Variants in SGCZ observed in about 807,000 individuals in gnomAD.
The protein encoded by SGCZ is zeta-sarcoglycan.
Under a neutral mutation model 41.3 loss-of-function variants are expected in SGCZ, and 40 were observed. That is an observed-to-expected ratio of 0.97 (90% CI 0.75 to 1.26). The LOEUF (loss-of-function observed/expected upper bound fraction) is 1.26, where lower values mean the gene tolerates loss of function less well. Ranked by LOEUF, SGCZ falls within the 50% of genes most tolerant of loss-of-function variation. The probability of loss-of-function intolerance (pLI) is 0.00; values close to 1 mark genes in which losing one functional copy is unlikely to be tolerated. For synonymous variants in SGCZ, 206 were observed against 137.5 expected, an observed-to-expected ratio of 1.50 and a Z score of -3.49; for missense variants, 552 against 369.8, an observed-to-expected ratio of 1.49 and a Z score of -4.04.
intron 1 of SGCZ, among the ~76,000 whole-genome samples, chr8:14,671,603 A>T (rs532034242): frequency 6.6e-6 from 1 of 152,312 alleles, no homozygotes; most frequent in South Asian, 2.1e-4. Context: ...GGCAAGAATT[A>T]GAAAGAATAT....
chr8:15,182,477 A>C (rs1256941528), intron 1 of SGCZ, among the ~76,000 whole-genome samples: 2 of 152,210 alleles, frequency 1.3e-5, no homozygotes, highest in African/African-American at 4.8e-5. Context: ...CATGTTTAGC[A>C]TGTTACTACA....
chr8:14,777,518 C>T (rs1216028324), intron 1 of SGCZ, among the ~76,000 whole-genome samples: 3 of 152,076 alleles, frequency 2.0e-5, no homozygotes, highest in Non-Finnish European at 4.4e-5. Flanking sequence ...GTTGAAGATC[C>T]AATCACAGAC....
At chr8:14,704,737 C>T (rs1809274222) in intron 1 of SGCZ, among the ~76,000 whole-genome samples, 1 of 151,832 alleles carries the variant, frequency 6.6e-6, no homozygotes, top group South Asian at 2.1e-4. Flanking sequence ...TTTTCCAATG[C>T]CATTACACTT....
intron 4 of SGCZ, among the ~76,000 whole-genome samples, chr8:14,189,666 C>T (rs578204069): frequency 6.6e-6 from 1 of 152,200 alleles, no homozygotes; most frequent in African/African-American, 2.4e-5. Flanking sequence ...GAGAAACTTG[C>T]TATGTCCTTT....
intron 2 of SGCZ, among the ~76,000 whole-genome samples, chr8:14,493,542 A>G (rs774533039): frequency 6.7e-5 from 10 of 149,950 alleles, no homozygotes; most frequent in Non-Finnish European, 1.3e-4. Context: ...TAATTTTTGT[A>G]TTTTTAGTAG....
intron 2 of SGCZ, among the ~76,000 whole-genome samples, chr8:14,411,860 C>A (rs945145371): frequency 6.6e-6 from 1 of 152,074 alleles, no homozygotes; most frequent in Non-Finnish European, 1.5e-5. Flanking sequence ...CCAAACATTT[C>A]TATTTGATGG....
intron 2 of SGCZ, among the ~76,000 whole-genome samples, chr8:14,536,062 C>T (rs540459547): frequency 6.6e-6 from 1 of 151,964 alleles, no homozygotes; most frequent in African/African-American, 2.4e-5. Context: ...GGGAAATACA[C>T]TCATATTAAA....
chr8:14,436,754 G>T (rs1286728208), intron 2 of SGCZ, among the ~76,000 whole-genome samples: 4 of 152,156 alleles, frequency 2.6e-5, no homozygotes, highest in Non-Finnish European at 5.9e-5. Flanking sequence ...GACAAGTATG[G>T]AATATTTGCA....
At chr8:15,186,871 G>C (rs1800363826) in intron 1 of SGCZ, among the ~76,000 whole-genome samples, 1 of 152,126 alleles carries the variant, frequency 6.6e-6, no homozygotes, top group South Asian at 2.1e-4. Flanking sequence ...AAGCATTTAA[G>C]CAGATCTTAT....
intron 1 of SGCZ, among the ~76,000 whole-genome samples, chr8:14,842,505 A>AAAGGAAGG (rs761328525): frequency 6.6e-6 from 1 of 151,270 alleles, no homozygotes; most frequent in Non-Finnish European, 1.5e-5. Context: ...GAAAGGAAGG[A>AAAGGAAGG]AAGGAAGGAA....
intron 2 of SGCZ, among the ~76,000 whole-genome samples, chr8:14,538,543 T>C (rs1042158821): frequency 5.3e-5 from 8 of 151,942 alleles, no homozygotes; most frequent in African/African-American, 1.9e-4. Context: ...GAAAAGTTGT[T>C]TGTGAACCTA....
intron 1 of SGCZ, among the ~76,000 whole-genome samples, chr8:14,675,284 T>G (rs952312028): frequency 2.0e-5 from 3 of 152,064 alleles, no homozygotes; most frequent in African/African-American, 7.2e-5. Context: ...TATTTATTTT[T>G]AGCAATGCAA....
chr8:14,498,722 G>A (rs1585597102), intron 2 of SGCZ, among the ~76,000 whole-genome samples: 1 of 151,758 alleles, frequency 6.6e-6, no homozygotes, highest in African/African-American at 2.4e-5. Context: ...TTACTTATTT[G>A]TGTTACTCAT....
chr8:15,138,406 C>T (rs922015853), intron 1 of SGCZ, among the ~76,000 whole-genome samples: 15 of 152,002 alleles, frequency 9.9e-5, no homozygotes, highest in East Asian at 1.9e-4. Flanking sequence ...TGAATTGTGA[C>T]GACATGAGAT....
intron 5 of SGCZ, among the ~76,000 whole-genome samples, chr8:14,161,134 G>A (rs1804032262): frequency 6.6e-6 from 1 of 152,156 alleles, no homozygotes; most frequent in African/African-American, 2.4e-5. Flanking sequence ...TCTTTGTACT[G>A]TTATTTGTCA....
intron 1 of SGCZ, among the ~76,000 whole-genome samples, chr8:15,203,018 G>A (rs1316780467): frequency 6.6e-6 from 1 of 152,036 alleles, no homozygotes. Context: ...GCTGTGGTGG[G>A]AGAATCACTA....
chr8:15,001,728 CAAAAA>C (rs1223307583), intron 1 of SGCZ, among the ~76,000 whole-genome samples: 165 of 81,028 alleles, frequency 2.0e-3, no homozygotes, highest in African/African-American at 4.1e-3. Context: ...GACTCCGTCT[CAAAAA>C]AAAAAAAAAA....
chr8:14,292,634 C>T (rs916437983), intron 3 of SGCZ, among the ~76,000 whole-genome samples: 37 of 151,942 alleles, frequency 2.4e-4, no homozygotes, highest in African/African-American at 8.0e-4. Flanking sequence ...GGTAATGTAG[C>T]GCATGTTGCT....
chr8:15,001,000 G>A (rs889075073), intron 1 of SGCZ, among the ~76,000 whole-genome samples: 7 of 152,172 alleles, frequency 4.6e-5, no homozygotes, highest in Non-Finnish European at 1.0e-4. Flanking sequence ...CAGTATCAAA[G>A]GTGAGAGGAA....
Sources: gnomAD v4.1 joint callset for allele counts (sites outside exome capture counted in the v4.1 genomes callset) on GRCh38, gnomAD v4.1.1 for gene constraint, MANE v1.5 for transcripts, NCBI Gene and HGNC (gene_info 2026-07-23, HGNC 2026-07-21) for gene names.